The following IGFL2 variants were observed in gnomAD, a reference collection of about 807,000 sequenced individuals.
IGFL2 encodes the protein insulin growth factor-like family member 2.
A neutral mutation model predicts 13.9 loss-of-function variants in IGFL2; 7 were observed. That is an observed-to-expected ratio of 0.51 (90% confidence interval 0.29 to 0.95). The LOEUF is 0.95. Among genes scored for constraint, IGFL2 ranks in the 40% least tolerant of loss-of-function variants. IGFL2 has a pLI of 0.08. For missense variants in IGFL2, 138 were observed against 147.8 expected (o/e 0.93, Z 0.34); for synonymous variants, 55 against 55.8 (o/e 0.99, Z 0.07).
At chr19:46,179,863 C>T in the IGFL2 span, among the ~76,000 whole-genome samples, 2 of 151,974 alleles carry the variant, frequency 1.3e-5, no homozygotes, top group Non-Finnish European at 2.9e-5. Context: ...TTGCAGTGAG[C>T]TGAGATTGTG....
chr19:46,211,337 T>C, the IGFL2 span, among the ~76,000 whole-genome samples: 1 of 152,206 alleles, frequency 6.6e-6, no homozygotes, highest in African/African-American at 2.4e-5. Context: ...GACTCCTCCT[T>C]GTCAGCCAGC....
the IGFL2 span, among the ~76,000 whole-genome samples, chr19:46,080,010 C>T: frequency 6.6e-6 from 1 of 151,648 alleles, no homozygotes; most frequent in African/African-American, 2.4e-5. Context: ...GGAAAACGTG[C>T]GTCAGAGGGC....
the IGFL2 span, among the ~76,000 whole-genome samples, chr19:46,092,074 G>A: frequency 6.6e-6 from 1 of 152,152 alleles, no homozygotes; most frequent in Non-Finnish European, 1.5e-5. Flanking sequence ...TTCAAGATAA[G>A]TTAAATAATT....
At chr19:46,090,192 G>GT in the IGFL2 span, among the ~76,000 whole-genome samples, 2 of 152,128 alleles carry the variant, frequency 1.3e-5, no homozygotes, top group Middle Eastern at 3.4e-3. Flanking sequence ...TGGGATTTCT[G>GT]TTTGAGTTTT....
chr19:46,145,470 G>C (rs1973073203), upstream of IGFL2, among the ~76,000 whole-genome samples: 1 of 151,952 alleles, frequency 6.6e-6, no homozygotes, highest in Non-Finnish European at 1.5e-5. Flanking sequence ...CTACCAGTGA[G>C]TGACCCACTC....
chr19:46,084,862 CCT>C, the IGFL2 span, among the ~76,000 whole-genome samples: 2 of 152,148 alleles, frequency 1.3e-5, no homozygotes, highest in African/African-American at 2.4e-5. Flanking sequence ...TCATTCCACC[CCT>C]GTCTCCACAT....
At chr19:46,143,908 G>A (rs1972982443), upstream of IGFL2, among the ~76,000 whole-genome samples, 1 of 152,128 alleles carries the variant, frequency 6.6e-6, no homozygotes, top group South Asian at 2.1e-4. Flanking sequence ...TCTGTTATTT[G>A]TTGAATGCCC....
the IGFL2 span, among the ~76,000 whole-genome samples, chr19:46,194,690 C>T: frequency 6.6e-6 from 1 of 151,544 alleles, no homozygotes; most frequent in African/African-American, 2.4e-5. Context: ...GACGTGGTCA[C>T]GGGCACCTGC....
the IGFL2 span, among the ~76,000 whole-genome samples, chr19:46,175,933 C>T: frequency 1.3e-5 from 2 of 151,240 alleles, no homozygotes; most frequent in African/African-American, 4.9e-5. Context: ...ACCTCCACCT[C>T]CCTGGTTCAA....
At chr19:46,204,250 T>A in the IGFL2 span, 3 of 152,162 alleles carry the variant, frequency 2.0e-5, no homozygotes, top group African/African-American at 7.2e-5. Flanking sequence ...GGGAAAGTCT[T>A]CCCTGAGGCC....
At chr19:46,199,862 C>G in the IGFL2 span, among the ~76,000 whole-genome samples, 1 of 152,296 alleles carries the variant, frequency 6.6e-6, no homozygotes, top group East Asian at 1.9e-4. Flanking sequence ...TGCCTGCACC[C>G]TTCTTCATTC....
upstream of IGFL2, among the ~76,000 whole-genome samples, chr19:46,142,576 TTATC>T (rs1485748801): frequency 2.0e-5 from 3 of 152,248 alleles, no homozygotes; most frequent in African/African-American, 4.8e-5. Context: ...TACAAGTATG[TTATC>T]TATCTATGTT....
the IGFL2 span, among the ~76,000 whole-genome samples, chr19:46,122,166 C>T: frequency 6.6e-6 from 1 of 150,856 alleles, no homozygotes; most frequent in Non-Finnish European, 1.5e-5. Flanking sequence ...AGTGTACATC[C>T]ACTTCCATTG....
chr19:46,179,950 T>G, the IGFL2 span, among the ~76,000 whole-genome samples: 5 of 151,890 alleles, frequency 3.3e-5, no homozygotes. Context: ...TTGCTATTGG[T>G]TGGGGGTGGC....
the IGFL2 span, chr19:46,198,281 A>C: frequency 6.6e-6 from 1 of 151,436 alleles, no homozygotes; most frequent in African/African-American, 2.4e-5. Flanking sequence ...AGCAATTAAA[A>C]AAATTTTTTT....
At chr19:46,124,805 G>C in the IGFL2 span, 1 of 684,038 alleles carries the variant, frequency 1.5e-6, no homozygotes, top group Non-Finnish European at 2.6e-6. Context: ...ATTCCTTGAA[G>C]ATAACCAAAG....
chr19:46,123,664 G>A, the IGFL2 span, among the ~76,000 whole-genome samples: 3 of 150,960 alleles, frequency 2.0e-5, no homozygotes, highest in East Asian at 5.9e-4. Flanking sequence ...ATAGCTGGGT[G>A]CAAGAAGATT....
chr19:46,170,918 C>A, the IGFL2 span, among the ~76,000 whole-genome samples: 190 of 152,258 alleles, frequency 1.2e-3, no homozygotes, highest in African/African-American at 3.7e-3. Context: ...TTTAGTTTCA[C>A]CCTGACCTTG....
At chr19:46,204,264 C>G in the IGFL2 span, 2 of 152,180 alleles carry the variant, frequency 1.3e-5, no homozygotes, top group East Asian at 3.9e-4. Flanking sequence ...TGAGGCCAGC[C>G]CCCGGGTGCC....
Sources: allele counts gnomAD v4.1 joint callset (sites outside exome capture counted in the v4.1 genomes callset), GRCh38; gene constraint gnomAD v4.1.1; transcripts MANE v1.5; gene names NCBI Gene and HGNC (gene_info 2026-07-23, HGNC 2026-07-21).